SNX5: variants seen among roughly 807,000 people sequenced by gnomAD.
SNX5 encodes the protein sorting nexin-5.
Under a neutral mutation model 53.9 loss-of-function variants are expected in SNX5, and 31 were observed. That is an observed-to-expected ratio of 0.58 (90% CI 0.43 to 0.78). The LOEUF is 0.78. SNX5 is among the 30% of genes least tolerant of loss of function. SNX5 has a pLI of 0.00. For missense variants in SNX5, 471 were observed against 478.8 expected (o/e 0.98, Z 0.15); for synonymous variants, 168 against 171.1 (o/e 0.98, Z 0.14).
chr20:17,960,325 G>A (rs1270870008), intron 1 of SNX5, among the ~76,000 whole-genome samples: 1 of 152,190 alleles, frequency 6.6e-6, no homozygotes, highest in Admixed American at 6.5e-5. Flanking sequence ...GCCAGGCACG[G>A]TGGCTCACGC....
intron 1 of SNX5, chr20:17,962,275 C>G (rs959912689): frequency 1.8e-5 from 3 of 166,124 alleles, no homozygotes; most frequent in African/African-American, 7.2e-5. Context: ...CTCAGCTCAC[C>G]GCGACCTCCA....
intron 11 of SNX5, 186 bp from the exon 12 acceptor site, chr20:17,943,381 T>C (rs892486654): frequency 8.9e-6 from 5 of 563,980 alleles, no homozygotes; most frequent in African/African-American, 1.9e-5. Flanking sequence ...GTGATACAGC[T>C]ATCACTGTCT....
At chr20:17,961,783 T>C in intron 1 of SNX5, 2 of 985,370 alleles carry the variant, frequency 2.0e-6, no homozygotes, top group Non-Finnish European at 2.4e-6. Flanking sequence ...GAAACTAAGA[T>C]TTTGCCAGCA....
intron 1 of SNX5, among the ~76,000 whole-genome samples, chr20:17,966,851 A>G (rs1300317118): frequency 1.3e-5 from 2 of 152,218 alleles, no homozygotes; most frequent in Non-Finnish European, 2.9e-5. Context: ...TCAGTTAACC[A>G]TAACACCATC....
chr20:17,966,444 C>G (rs2035538693), intron 1 of SNX5, among the ~76,000 whole-genome samples: 1 of 151,942 alleles, frequency 6.6e-6, no homozygotes, highest in Non-Finnish European at 1.5e-5. Context: ...CCAAATTAAC[C>G]ATGCATCTCT....
intron 11 of SNX5, chr20:17,944,208 A>T (rs1004346425): frequency 1.3e-5 from 2 of 152,178 alleles, no homozygotes; most frequent in African/African-American, 4.8e-5. Flanking sequence ...GGAAGGTGGG[A>T]AAGAGAATGG....
At chr20:17,958,102 G>C (rs944901153) in intron 1 of SNX5, among the ~76,000 whole-genome samples, 9 of 151,588 alleles carry the variant, frequency 5.9e-5, no homozygotes, top group African/African-American at 2.2e-4. Flanking sequence ...CATTAAAGCA[G>C]ACAAGGTGGT....
intron 12 of SNX5, 27 bp from the exon 13 acceptor site, chr20:17,942,434 C>T: frequency 1.3e-6 from 2 of 1,578,840 alleles, no homozygotes; most frequent in Non-Finnish European, 1.7e-6. Context: ...CAAGGCAGAC[C>T]AGTGAATTAT....
At chr20:17,961,058 A>G (rs1188661324) in intron 1 of SNX5, 1 of 822,570 alleles carries the variant, frequency 1.2e-6, no homozygotes, top group East Asian at 1.2e-4. Context: ...GTTTTAAAAA[A>G]TCGCAGTGCT....
At chr20:17,963,603 T>C (rs1209959742) in intron 1 of SNX5, among the ~76,000 whole-genome samples, 2 of 152,162 alleles carry the variant, frequency 1.3e-5, no homozygotes, top group Non-Finnish European at 1.5e-5. Context: ...GCCCCCTTTT[T>C]TGTAGCAGGG....
chr20:17,959,186 C>T lies in SNX5; in HGVS notation c.52-2149G>A, dbSNP rs142006807. On this transcript the variant is annotated intron_variant, in intron 1 of 12. Coordinates refer to ENST00000377759, the MANE Select transcript of SNX5 (RefSeq NM_014426.4). Reference sequence around the variant, plus strand: ...TACCCTTGGAATTCGAATAGGAGGACCCAAGGGGGATGTAATCAAGTAAAT... The same window carrying T: ...TACCCTTGGAATTCGAATAGGAGGATCCAAGGGGGATGTAATCAAGTAAAT... Among the ~76,000 whole-genome samples the T allele has an allele frequency of 4.5e-3, 684 of 152,298 alleles. 6 individuals are homozygous for T. Among genetic ancestry groups the T allele is most frequent in the African/African-American group, 0.016 (666 of 41,554 alleles).
chr20:17,963,419 T>C (rs1375236081), intron 1 of SNX5, among the ~76,000 whole-genome samples: 3 of 152,096 alleles, frequency 2.0e-5, no homozygotes, highest in African/African-American at 7.2e-5. Context: ...TGAACTACGA[T>C]CAGACCACTG....
Position 17,960,141 on chromosome 20 carries a change from C to T in SNX5, c.52-3104G>A, listed in dbSNP as rs184633589. On this transcript the variant is annotated intron_variant, in intron 1 of 12. Coordinates refer to ENST00000377759, the MANE Select transcript of SNX5 (RefSeq NM_014426.4). ...TTGTAAGAATCAAATTGAAAATATA[C>T]CTACTCTCAAATAATTTAAGTTTTA... Among the ~76,000 whole-genome samples, 19 of 152,214 alleles carry T rather than the reference C, an allele frequency of 1.2e-4. No individual in the cohort carries two copies. The East Asian group carries it at 3.3e-3, about 26-fold the overall frequency.
chr20:17,967,537 A>G (rs995353275), intron 1 of SNX5, among the ~76,000 whole-genome samples: 2 of 152,164 alleles, frequency 1.3e-5, no homozygotes, highest in African/African-American at 2.4e-5. Context: ...TCCAAATTAC[A>G]TTTTAAGAGA....
At chr20:17,942,593 C>T (rs1428946544) in intron 12 of SNX5, 186 bp from the exon 13 acceptor site, 12 of 609,834 alleles carry the variant, frequency 2.0e-5, no homozygotes, top group African/African-American at 1.7e-4. Context: ...CATGTTTCAG[C>T]TCCTCTCCCT....
At chr20:17,950,819 A>G (rs2039556203) in intron 6 of SNX5, among the ~76,000 whole-genome samples, 1 of 152,222 alleles carries the variant, frequency 6.6e-6, no homozygotes, top group Non-Finnish European at 1.5e-5. Context: ...CAAATATCCC[A>G]TAATGCATGG....
chr20:17,957,250 A>G (rs1398041200), intron 1 of SNX5, among the ~76,000 whole-genome samples: 1 of 152,074 alleles, frequency 6.6e-6, no homozygotes, highest in African/African-American at 2.4e-5. Flanking sequence ...CCTGGCTAAC[A>G]TGGTGAAACC....
intron 8 of SNX5, among the ~76,000 whole-genome samples, 153 bp from the exon 9 acceptor site, chr20:17,949,256 C>T (rs140580359): frequency 6.2e-4 from 95 of 152,216 alleles, no homozygotes; most frequent in Non-Finnish European, 1.1e-3. Context: ...TTCAACTGAC[C>T]CCAAATAGTA....
chr20:17,958,299 G>A (rs966259204), intron 1 of SNX5, among the ~76,000 whole-genome samples: 9 of 152,226 alleles, frequency 5.9e-5, no homozygotes, highest in Non-Finnish European at 5.9e-5. Context: ...ATTTCCCTTT[G>A]GGTCCCTTTC....
Sources: allele counts gnomAD v4.1 joint callset (sites outside exome capture counted in the v4.1 genomes callset), GRCh38; gene constraint gnomAD v4.1.1; transcripts MANE v1.5; gene names NCBI Gene and HGNC (gene_info 2026-07-23, HGNC 2026-07-21).